Variants in UMOD observed in about 807,000 individuals in gnomAD.
The protein encoded by UMOD is Tamm-Horsfall urinary glycoprotein.
UMOD carries 64 observed loss-of-function variants against 66.0 expected under a neutral mutation model. That is an observed-to-expected ratio of 0.97 (90% CI 0.79 to 1.19). The LOEUF is 1.19. UMOD is among the 50% of genes most tolerant of loss of function. The pLI, the probability that UMOD is intolerant of heterozygous loss-of-function variation, is 0.00. For missense variants in UMOD, 764 were observed against 850.9 expected (o/e 0.90, Z 1.27); for synonymous variants, 398 against 352.7 (o/e 1.13, Z -1.44).
chr16:20,339,712 A>G (rs1965080687), intron 7 of UMOD, among the ~76,000 whole-genome samples: 1 of 152,194 alleles, frequency 6.6e-6, no homozygotes, highest in Non-Finnish European at 1.5e-5. Context: ...TGTTTCTTCT[A>G]CAACCTCTTT....
At chr16:20,344,215 A>G in intron 5 of UMOD, 43 bp from the exon 6 acceptor site, 4 of 1,566,276 alleles carry the variant, frequency 2.6e-6, no homozygotes, top group Non-Finnish European at 3.5e-6. Context: ...GGGATGAGAG[A>G]AAGGGGCATG....
chr16:20,335,876 A>C (rs1305643864), intron 9 of UMOD, among the ~76,000 whole-genome samples: 1 of 152,216 alleles, frequency 6.6e-6, no homozygotes, highest in African/African-American at 2.4e-5. Flanking sequence ...TGACTGAGAC[A>C]GTGAAAGAGA....
rs764919938 is a variant in UMOD, at chr16:20,348,739, C to T, written c.562G>A (p.Glu188Lys). Residue 188 changes from glutamate (E) to lysine (K), a missense_variant, in exon 3 of 11, where the codon GAG (glutamate) becomes AAG (lysine). Transcript: ENST00000396138. Reference protein sequence around the residue: ...RTLDEYWRSTEYGEGYACDTD... With the variant: ...RTLDEYWRSTKYGEGYACDTD... ...TCGCAGGCGTAGCCCTCCCCGTACT[C>T]GGTGCTGCGCCAGTACTCGTCCAGG... The T allele has an allele frequency of 1.3e-6, 2 of 1,544,914 alleles. No homozygotes were observed. The highest frequency in any genetic ancestry group is 1.2e-5 in the South Asian group (1 of 84,108).
chr16:20,341,762 A>G (rs376147160), intron 6 of UMOD, among the ~76,000 whole-genome samples: 2 of 152,262 alleles, frequency 1.3e-5, no homozygotes, highest in East Asian at 3.8e-4. Flanking sequence ...TCAATCTAGA[A>G]CAGGTTAAAA....
intron 4 of UMOD, among the ~76,000 whole-genome samples, chr16:20,347,733 C>A (rs940501271): frequency 6.6e-6 from 1 of 152,220 alleles, no homozygotes; most frequent in Non-Finnish European, 1.5e-5. Flanking sequence ...TAACTAAAAT[C>A]ATGACTGAAG....
chr16:20,345,405 TTTC>T (rs1404021082), intron 5 of UMOD, among the ~76,000 whole-genome samples: 2,182 of 107,706 alleles, frequency 0.02, 25 homozygotes, highest in South Asian at 0.06. Flanking sequence ...TTTTTTTTTC[TTTC>T]TTTCTTTCTT....
At chr16:20,352,815 G>T, upstream of UMOD, 1 of 1,076,142 alleles carries the variant, frequency 9.3e-7, no homozygotes, top group Non-Finnish European at 1.2e-6. Context: ...TTGTTTTCTT[G>T]GGGGTGGAAT....
At position 20,333,247 on chromosome 16, in the gene UMOD, G is replaced by A. The variant is rs926186800; in HGVS notation, c.*67C>T. ...TTTTCTGTGGCTGGAGCACTGGCCCGCATCATGCCCCCTGCCCAGCAGGAG... is the reference window on the plus strand; with the variant it reads ...TTTTCTGTGGCTGGAGCACTGGCCCACATCATGCCCCCTGCCCAGCAGGAG... On this transcript the variant is annotated 3_prime_UTR_variant, in exon 11 of 11. Coordinates refer to ENST00000396138, the MANE Select transcript of UMOD (RefSeq NM_003361.4). 1.0e-5 allele frequency: 15 copies of A among 1,491,724 alleles called. No homozygotes were observed. Among genetic ancestry groups the A allele is most frequent in the African/African-American group, 4.2e-5 (3 of 72,242 alleles). The allele number at this position is 1,491,724 out of a possible 1,614,324, so 92.4% of individuals were successfully genotyped here.
chr16:20,345,394 C>CTTTT (rs879393522), intron 5 of UMOD, among the ~76,000 whole-genome samples: 10 of 121,644 alleles, frequency 8.2e-5, no homozygotes, highest in African/African-American at 1.5e-4. Context: ...CCTTTCTTTT[C>CTTTT]TTTTTTTTTC....
chr16:20,344,181 G>C lies in UMOD; in HGVS notation c.1183-9C>G. ...GCATGGGTTTCATTCCTCTGTTGCA[G>C]GGAATGGGGGTGGAGGGGGGGTGGG... On this transcript the variant is annotated splice_polypyrimidine_tract_variant and intron_variant, in intron 5 of 10. Transcript: ENST00000396138. 1 of 1,607,278 alleles carries C rather than the reference G, an allele frequency of 6.2e-7. No homozygotes were observed. The highest frequency in any genetic ancestry group is 8.5e-7 in the Non-Finnish European group (1 of 1,175,132).
chr16:20,351,000 C>T (rs527991672), intron 1 of UMOD, 161 bp from the exon 2 acceptor site: 56 of 585,156 alleles, frequency 9.6e-5, no homozygotes, highest in African/African-American at 8.5e-4. Flanking sequence ...GACTTTACCC[C>T]TTGTACTCCC....
chr16:20,347,976 A>C (rs960956541), intron 4 of UMOD, among the ~76,000 whole-genome samples: 11 of 152,222 alleles, frequency 7.2e-5, no homozygotes, highest in African/African-American at 2.7e-4. Flanking sequence ...CTCAGAAAGA[A>C]GGCTGGGTGC....
chr16:20,348,111 T>C (rs1220558817), intron 4 of UMOD, 112 bp downstream of exon 4: 4 of 956,708 alleles, frequency 4.2e-6, no homozygotes, highest in South Asian at 3.9e-5. Flanking sequence ...AGGTTGGATA[T>C]ATATCCCCTG....
At position 20,348,097 on chromosome 16, in the gene UMOD, A is replaced by G. The variant is rs1231719023; in HGVS notation, c.973+126T>C. ...GGGTATTAGTGGATCTTCTGTTTTC[A>G]CTCAGGTTGGATATATATCCCCTGC... On this transcript the variant is annotated intron_variant, in intron 4 of 10. Transcript: ENST00000396138. 9 of 868,568 alleles carry G rather than the reference A, an allele frequency of 1.0e-5. No individual in the cohort carries two copies. The East Asian group carries it at 2.2e-4, about 21-fold the overall frequency. 53.8% of individuals were successfully genotyped at this position (868,568 alleles called of 1,614,324 possible).
Position 20,341,078 on chromosome 16 carries a change from A to G in UMOD, c.1577+13T>C. On this transcript the variant is annotated intron_variant, in intron 7 of 10. Coordinates refer to ENST00000396138, the MANE Select transcript of UMOD (RefSeq NM_003361.4). ...TCTACCCATGAGTTCCCATGTAGGA[A>G]CCTTTGCCTTACCTGTCCTGGATGA... 1 of 1,612,936 alleles carries G rather than the reference A, an allele frequency of 6.2e-7. No individual in the cohort carries two copies. Among genetic ancestry groups the G allele is most frequent in the South Asian group, 1.1e-5 (1 of 90,808 alleles).
At chr16:20,342,539 C>G (rs968611604) in intron 6 of UMOD, 2 of 152,232 alleles carry the variant, frequency 1.3e-5, no homozygotes, top group Non-Finnish European at 2.9e-5. Flanking sequence ...TGCCCAGCAT[C>G]CTTTCCTGAG....
intron 1 of UMOD, among the ~76,000 whole-genome samples, chr16:20,352,243 G>A (rs950927894): frequency 1.3e-5 from 2 of 152,006 alleles, no homozygotes; most frequent in Non-Finnish European, 2.9e-5. Flanking sequence ...CCTCAAATTT[G>A]TATTGCTTAC....
chr16:20,346,911 AAG>A (rs1365351883), intron 4 of UMOD, among the ~76,000 whole-genome samples: 1 of 106,982 alleles, frequency 9.3e-6, no homozygotes, highest in Admixed American at 9.2e-5. Context: ...GAAAGAAAGA[AAG>A]AAAAAGCAAG....
intron 9 of UMOD, 146 bp downstream of exon 9, chr16:20,336,500 C>A: frequency 1.4e-6 from 1 of 725,228 alleles, no homozygotes; most frequent in Admixed American, 2.0e-5. Context: ...GGAAGGCAGT[C>A]TGTATTCCAC....
Sources: allele counts gnomAD v4.1 joint callset (sites outside exome capture counted in the v4.1 genomes callset), GRCh38; gene constraint gnomAD v4.1.1; transcripts MANE v1.5; gene names NCBI Gene and HGNC (gene_info 2026-07-23, HGNC 2026-07-21).